RAB27B: variants seen among roughly 807,000 people sequenced by gnomAD.
The protein encoded by RAB27B is ras-related protein Rab-27B.
Under a neutral mutation model 24.6 loss-of-function variants are expected in RAB27B, and 15 were observed. That is an observed-to-expected ratio of 0.61 (90% CI 0.41 to 0.94). RAB27B has a LOEUF of 0.94. RAB27B is among the 40% of genes least tolerant of loss of function. The pLI, the probability that RAB27B is intolerant of heterozygous loss-of-function variation, is 0.00. For missense variants in RAB27B, 261 were observed against 266.8 expected (o/e 0.98, Z 0.15); for synonymous variants, 105 against 92.5 (o/e 1.14, Z -0.78).
chr18:54,861,911 T>G (rs1487640388), intron 1 of RAB27B, among the ~76,000 whole-genome samples: 1 of 152,184 alleles, frequency 6.6e-6, no homozygotes, highest in Non-Finnish European at 1.5e-5. Flanking sequence ...TTCTGCTTCA[T>G]CGCATCACAA....
Position 54,843,871 on chromosome 18 carries a change from T to G in RAB27B, c.-20+15171T>G, listed in dbSNP as rs151001974. On this transcript the variant is annotated intron_variant, in intron 1 of 5. Coordinates refer to ENST00000262094, the MANE Select transcript of RAB27B (RefSeq NM_004163.4). ...ATTTAACATTAAAAATCATGAATAT[T>G]TGGGCAACGGTCCCTCCTACACTAT... Among the ~76,000 whole-genome samples the G allele has an allele frequency of 5.9e-5, 9 of 152,312 alleles. No homozygotes were observed. In the East Asian group the frequency reaches 1.7e-3, roughly 29 times the overall value.
At chr18:54,792,362 C>A (rs1909277263) in intron 2 of RAB27B, among the ~76,000 whole-genome samples, 1 of 152,170 alleles carries the variant, frequency 6.6e-6, no homozygotes, top group South Asian at 2.1e-4. Flanking sequence ...CACCACTGTG[C>A]TCCAGCCTAA....
At chr18:54,804,277 A>G (rs756477208) in intron 2 of RAB27B, among the ~76,000 whole-genome samples, 3 of 152,184 alleles carry the variant, frequency 2.0e-5, no homozygotes, top group Non-Finnish European at 4.4e-5. Context: ...CCAAATCTCA[A>G]CTTGAATTGT....
chr18:54,837,482 G>A (rs1910941513), intron 1 of RAB27B, among the ~76,000 whole-genome samples: 2 of 152,142 alleles, frequency 1.3e-5, no homozygotes, highest in South Asian at 4.2e-4. Flanking sequence ...CTGCATTTGA[G>A]GTACCTGTGG....
intron 2 of RAB27B, among the ~76,000 whole-genome samples, chr18:54,816,584 C>T (rs1345904110): frequency 5.3e-5 from 8 of 152,030 alleles, no homozygotes; most frequent in Non-Finnish European, 4.4e-5. Context: ...TTTATCTTGA[C>T]AGTGATAGTC....
chr18:54,888,006 G>T lies in RAB27B; in HGVS notation c.355G>T (p.Ala119Ser). The stretch of plus-strand genomic sequence containing the variant: ...GCTTTCTTTTCAAGGCCAACTGCAA[G>T]CAAATGCTTATTGTGAAAATCCAGA... ...NVRNWMSQLQANAYCENPDIV... is the reference protein window; with the variant it reads ...NVRNWMSQLQSNAYCENPDIV... Residue 119 changes from alanine (A) to serine (S), a missense_variant, in exon 5 of 6, where the codon GCA becomes TCA. Transcript: ENST00000262094. The T allele has an allele frequency of 6.2e-7, 1 of 1,611,140 alleles. No homozygotes were observed. Among genetic ancestry groups the T allele is most frequent in the Non-Finnish European group, 8.5e-7 (1 of 1,178,364 alleles).
chr18:54,850,359 T>TATATATATACAC (rs1491518141), intron 1 of RAB27B, among the ~76,000 whole-genome samples: 8 of 126,872 alleles, frequency 6.3e-5, no homozygotes, highest in African/African-American at 2.2e-4. Flanking sequence ...TATATATATA[T>TATATATATACAC]ACATACATAC....
At chr18:54,790,681 T>G (rs906370382) in intron 2 of RAB27B, among the ~76,000 whole-genome samples, 1 of 152,186 alleles carries the variant, frequency 6.6e-6, no homozygotes, top group Non-Finnish European at 1.5e-5. Flanking sequence ...TTTCCAAAAT[T>G]TATTATTATA....
At chr18:54,830,335 T>C (rs1226299953) in intron 1 of RAB27B, among the ~76,000 whole-genome samples, 1 of 152,220 alleles carries the variant, frequency 6.6e-6, no homozygotes, top group Non-Finnish European at 1.5e-5. Flanking sequence ...ACCTGCTCTT[T>C]TCCCACCCTC....
intron 1 of RAB27B, among the ~76,000 whole-genome samples, chr18:54,833,117 C>T (rs1329509254): frequency 6.6e-6 from 1 of 151,754 alleles, no homozygotes; most frequent in Admixed American, 6.6e-5. Context: ...CACAGTGAGC[C>T]GAAGCTTGGG....
At chr18:54,777,212 A>G (rs893280907) in intron 2 of RAB27B, among the ~76,000 whole-genome samples, 1 of 152,222 alleles carries the variant, frequency 6.6e-6, no homozygotes, top group African/African-American at 2.4e-5. Flanking sequence ...ACAGGATTGA[A>G]GAATTTGAAT....
At chr18:54,786,048 C>T (rs1328705960) in intron 2 of RAB27B, among the ~76,000 whole-genome samples, 1 of 152,174 alleles carries the variant, frequency 6.6e-6, no homozygotes, top group East Asian at 1.9e-4. Flanking sequence ...CATCCTTCTT[C>T]TCCTTTTCTA....
intron 2 of RAB27B, among the ~76,000 whole-genome samples, chr18:54,759,911 A>T (rs1405386153): frequency 2.0e-5 from 3 of 152,188 alleles, no homozygotes; most frequent in African/African-American, 7.2e-5. Context: ...ACTGAGAGCC[A>T]CTTTCATTGG....
intron 1 of RAB27B, among the ~76,000 whole-genome samples, chr18:54,840,445 A>C (rs1911063786): frequency 2.6e-5 from 4 of 152,154 alleles, no homozygotes; most frequent in Admixed American, 2.6e-4. Flanking sequence ...AGTCATGCCT[A>C]ATATTAGAGG....
intron 5 of RAB27B, among the ~76,000 whole-genome samples, chr18:54,888,936 C>A (rs1388246318): frequency 3.3e-5 from 5 of 151,862 alleles, no homozygotes; most frequent in African/African-American, 1.2e-4. Context: ...GTATTTTTCC[C>A]CTCCTAATTT....
At chr18:54,847,146 C>T (rs560306983) in intron 1 of RAB27B, among the ~76,000 whole-genome samples, 11 of 152,260 alleles carry the variant, frequency 7.2e-5, no homozygotes, top group African/African-American at 2.6e-4. Flanking sequence ...TCACCATGCC[C>T]GGCCATGACT....
upstream of RAB27B, among the ~76,000 whole-genome samples, chr18:54,825,683 A>G (rs1210879342): frequency 6.6e-6 from 1 of 152,212 alleles, no homozygotes; most frequent in Non-Finnish European, 1.5e-5. Flanking sequence ...GTTGAACCAC[A>G]AATTACTCTA....
intron 2 of RAB27B, among the ~76,000 whole-genome samples, chr18:54,804,864 T>TGTTC (rs1555657975): frequency 0.051 from 81 of 1,592 alleles, 1 homozygote; most frequent in East Asian, 0.49. Context: ...TTCCTTCCTT[T>TGTTC]CTTTTTTTCT....
chr18:54,755,322 A>G (rs979174233), intron 2 of RAB27B, among the ~76,000 whole-genome samples: 7 of 152,174 alleles, frequency 4.6e-5, no homozygotes, highest in African/African-American at 1.7e-4. Context: ...CCTGGGAGGC[A>G]GAGGTTGCAG....
Sources: gnomAD v4.1 joint callset for allele counts (sites outside exome capture counted in the v4.1 genomes callset) on GRCh38, gnomAD v4.1.1 for gene constraint, MANE v1.5 for transcripts, NCBI Gene and HGNC (gene_info 2026-07-23, HGNC 2026-07-21) for gene names.